GPC5: variants seen among roughly 807,000 people sequenced by gnomAD.
GPC5 encodes glypican 5.
A neutral mutation model predicts 53.9 loss-of-function variants in GPC5; 47 were observed. That is an observed-to-expected ratio of 0.87 (90% CI 0.69 to 1.11). The LOEUF is 1.11. Among genes scored for constraint, GPC5 ranks in the 50% most tolerant of loss-of-function variants. GPC5 has a pLI of 0.00. For synonymous variants in GPC5, 286 were observed against 263.3 expected (o/e 1.09, Z -0.84); for missense variants, 748 against 713.1 (o/e 1.05, Z -0.56).
At chr13:92,134,794 C>T (rs1290173774) in intron 6 of GPC5, among the ~76,000 whole-genome samples, 1 of 151,928 alleles carries the variant, frequency 6.6e-6, no homozygotes, top group African/African-American at 2.4e-5. Flanking sequence ...AGTTTTCTTG[C>T]CTCTTTCTCT....
intron 7 of GPC5, among the ~76,000 whole-genome samples, chr13:92,572,072 A>C (rs1170069997): frequency 2.0e-5 from 3 of 152,178 alleles, no homozygotes; most frequent in African/African-American, 7.2e-5. Flanking sequence ...GCCATGTGAA[A>C]TCTTAGGCTA....
chr13:92,846,399 A>C (rs905193217), intron 7 of GPC5, among the ~76,000 whole-genome samples: 1 of 152,202 alleles, frequency 6.6e-6, no homozygotes, highest in South Asian at 2.1e-4. Flanking sequence ...CTGTACCAAG[A>C]TAATACTTTA....
chr13:91,581,327 C>T (rs2032352234), intron 2 of GPC5, among the ~76,000 whole-genome samples: 1 of 152,134 alleles, frequency 6.6e-6, no homozygotes, highest in Non-Finnish European at 1.5e-5. Context: ...AGAAATATAA[C>T]ACTATTTTGG....
chr13:92,820,371 G>A (rs1182637519), intron 7 of GPC5, among the ~76,000 whole-genome samples: 2 of 152,090 alleles, frequency 1.3e-5, no homozygotes, highest in East Asian at 3.9e-4. Context: ...TTCAGGTTTT[G>A]TTGTTGTTGT....
At chr13:91,618,934 C>G (rs1262795358) in intron 2 of GPC5, among the ~76,000 whole-genome samples, 2 of 152,024 alleles carry the variant, frequency 1.3e-5, no homozygotes, top group African/African-American at 4.8e-5. Flanking sequence ...TAAAAATGCA[C>G]TATTTTTACT....
At chr13:92,227,889 T>G (rs1318940645) in intron 7 of GPC5, among the ~76,000 whole-genome samples, 6 of 152,190 alleles carry the variant, frequency 3.9e-5, no homozygotes, top group Admixed American at 2.0e-4. Context: ...AGCCTACTGT[T>G]GAGCAGAAGC....
rs1291803813 is a variant in GPC5 at position 91,779,041 on chromosome 13, T to C, written c.1280+22621T>C. ...CAGCATAAAAGCTAAAAAATTGTAT[T>C]CCTGTATAGCATGGAGCTTGCAGGA... is the stretch of plus-strand genomic sequence containing the variant. On this transcript the variant is annotated intron_variant, in intron 5 of 7. Transcript: ENST00000377067. Among the ~76,000 whole-genome samples the C allele has an allele frequency of 6.6e-5, 10 of 152,328 alleles. No individual in the cohort carries two copies. In the South Asian group the frequency reaches 1.0e-3, roughly 16 times the overall value.
intron 5 of GPC5, among the ~76,000 whole-genome samples, chr13:91,837,518 A>G (rs910849605): frequency 1.4e-4 from 22 of 152,132 alleles, no homozygotes; most frequent in African/African-American, 4.8e-4. Flanking sequence ...TTAAATTAAC[A>G]AAAAAGGAAG....
intron 7 of GPC5, among the ~76,000 whole-genome samples, chr13:92,214,963 T>C (rs572385687): frequency 6.6e-6 from 1 of 152,298 alleles, no homozygotes; most frequent in East Asian, 1.9e-4. Context: ...GATTCCTCTC[T>C]GCTCTTGAGC....
intron 7 of GPC5, among the ~76,000 whole-genome samples, chr13:92,637,530 C>T (rs2139143213): frequency 6.6e-6 from 1 of 152,248 alleles, no homozygotes; most frequent in East Asian, 1.9e-4. Flanking sequence ...AGTTAGAATA[C>T]TCAGAAGTGT....
intron 2 of GPC5, among the ~76,000 whole-genome samples, chr13:91,674,594 TACGC>T (rs1225188234): frequency 2.0e-5 from 3 of 147,912 alleles, no homozygotes; most frequent in African/African-American, 7.4e-5. Flanking sequence ...TGTGTATATA[TACGC>T]ATATATATGC....
At chr13:92,247,706 G>T (rs549003077) in intron 7 of GPC5, among the ~76,000 whole-genome samples, 15 of 152,038 alleles carry the variant, frequency 9.9e-5, no homozygotes, top group Non-Finnish European at 1.5e-4. Flanking sequence ...TTGCTCCTAA[G>T]CAGAAAATGT....
chr13:91,570,135 G>T (rs767084668), intron 2 of GPC5, among the ~76,000 whole-genome samples: 3 of 151,992 alleles, frequency 2.0e-5, no homozygotes, highest in East Asian at 1.9e-4. Flanking sequence ...TATAAAAGTC[G>T]CCATAAACAA....
chr13:91,869,362 T>C (rs2039119263), intron 5 of GPC5, among the ~76,000 whole-genome samples: 1 of 152,182 alleles, frequency 6.6e-6, no homozygotes, highest in South Asian at 2.1e-4. Context: ...CCAGCAATGG[T>C]GTTTCTGACT....
intron 7 of GPC5, among the ~76,000 whole-genome samples, chr13:92,327,462 G>C (rs74512527): frequency 6.6e-6 from 1 of 152,138 alleles, no homozygotes; most frequent in East Asian, 1.9e-4. Context: ...AGATTTACCT[G>C]ATAATCAGTA....
At chr13:91,927,639 CA>C (rs2039781680) in intron 6 of GPC5, among the ~76,000 whole-genome samples, 1 of 152,062 alleles carries the variant, frequency 6.6e-6, no homozygotes, top group Non-Finnish European at 1.5e-5. Flanking sequence ...CTAGGAAGAA[CA>C]ACTTATGGAA....
chr13:92,494,094 TGTTTTG>T (rs1321915075), intron 7 of GPC5, among the ~76,000 whole-genome samples: 9 of 64,648 alleles, frequency 1.4e-4, no homozygotes, highest in Admixed American at 4.4e-4. Flanking sequence ...TGTTTTGTTT[TGTTTTG>T]TTTTTTTGAG....
At chr13:92,805,429 A>G (rs1215933063) in intron 7 of GPC5, among the ~76,000 whole-genome samples, 3 of 151,972 alleles carry the variant, frequency 2.0e-5, no homozygotes, top group Admixed American at 2.0e-4. Flanking sequence ...ATTTTGAAAG[A>G]GATCTTTTTA....
chr13:92,171,692 A>T (rs2042071619), intron 7 of GPC5, among the ~76,000 whole-genome samples: 1 of 152,190 alleles, frequency 6.6e-6, no homozygotes, highest in African/African-American at 2.4e-5. Flanking sequence ...GAATCCTATT[A>T]GGTCCTTTCA....
Sources: allele counts gnomAD v4.1 joint callset (sites outside exome capture counted in the v4.1 genomes callset), GRCh38; gene constraint gnomAD v4.1.1; transcripts MANE v1.5; gene names NCBI Gene and HGNC (gene_info 2026-07-23, HGNC 2026-07-21).